Variants in TMEFF1 observed in about 807,000 individuals in gnomAD.
TMEFF1 encodes the protein tomoregulin-1.
Under a neutral mutation model 47.5 loss-of-function variants are expected in TMEFF1, and 20 were observed. That is an observed-to-expected ratio of 0.42 (90% confidence interval 0.30 to 0.61). TMEFF1 has a LOEUF of 0.61. Among genes scored for constraint, TMEFF1 ranks in the 20% least tolerant of loss-of-function variants. The pLI, the probability that TMEFF1 is intolerant of heterozygous loss-of-function variation, is 0.19. For synonymous variants in TMEFF1, 162 were observed against 166.3 expected, an observed-to-expected ratio of 0.97 and a Z score of 0.20; for missense variants, 411 against 471.1, an observed-to-expected ratio of 0.87 and a Z score of 1.18.
chr9:100,481,741 C>T (rs1010503627), intron 1 of TMEFF1, among the ~76,000 whole-genome samples: 2 of 152,016 alleles, frequency 1.3e-5, no homozygotes, highest in Non-Finnish European at 2.9e-5. Flanking sequence ...CTTGTTTAGC[C>T]TGCACAGGTT....
At chr9:100,515,952 T>C (rs1306846117) in intron 4 of TMEFF1, among the ~76,000 whole-genome samples, 1 of 152,178 alleles carries the variant, frequency 6.6e-6, no homozygotes, top group East Asian at 1.9e-4. Flanking sequence ...TGATCCACTC[T>C]AGTTGAGACC....
chr9:100,546,016 C>T (rs1838724673), intron 5 of TMEFF1, among the ~76,000 whole-genome samples: 1 of 152,206 alleles, frequency 6.6e-6, no homozygotes, highest in African/African-American at 2.4e-5. Context: ...CTAGGAAGTT[C>T]CAAACTTTCC....
chr9:100,516,692 G>T lies in TMEFF1; in HGVS notation c.481G>T (p.Ala161Ser), dbSNP rs1229632677. 9 of 1,613,284 alleles carry T rather than the reference G, an allele frequency of 5.6e-6. No homozygotes were observed. The highest frequency in any genetic ancestry group is 6.8e-6 in the Non-Finnish European group (8 of 1,179,728). The change falls in exon 5 of 10, where the codon GCA (alanine) becomes TCA (serine). Residue 161 changes from alanine to serine, a missense_variant. By Grantham distance (99) the Ala-to-Ser change is moderately conservative (BLOSUM62 1). Transcript: ENST00000374879. Reference sequence around the variant, plus strand: ...TTAAACAGAAGAGGAAGGGTCAGGGGCAGAAGTTCACAGAAAACACTCCAA... The same window carrying T: ...TTAAACAGAAGAGGAAGGGTCAGGGTCAGAAGTTCACAGAAAACACTCCAA... Reference protein sequence around the residue: ...SGEGEEEGSGAEVHRKHSKCG... With the variant: ...SGEGEEEGSGSEVHRKHSKCG...
intron 3 of TMEFF1, among the ~76,000 whole-genome samples, chr9:100,512,715 G>T (rs1364642968): frequency 1.3e-5 from 2 of 152,122 alleles, no homozygotes; most frequent in Admixed American, 1.3e-4. Flanking sequence ...TTTCACTAGC[G>T]ACAAGTCAGG....
chr9:100,500,353 T>C (rs36011161), intron 2 of TMEFF1, among the ~76,000 whole-genome samples: 3,987 of 152,270 alleles, frequency 0.026, 65 homozygotes, highest in Middle Eastern at 0.034. Flanking sequence ...TTTTTTCTGC[T>C]TATTATTTCT....
intron 9 of TMEFF1, 127 bp from the exon 10 acceptor site, chr9:100,576,389 C>T (rs1839354581): frequency 8.5e-7 from 1 of 1,174,300 alleles, no homozygotes; most frequent in East Asian, 2.6e-5. Flanking sequence ...ATCTCATTTC[C>T]CTTTCATGTA....
chr9:100,494,229 A>G (rs1384364566), intron 1 of TMEFF1, among the ~76,000 whole-genome samples: 2 of 151,066 alleles, frequency 1.3e-5, no homozygotes, highest in Non-Finnish European at 3.0e-5. Context: ...AAAAAAAAAA[A>G]AGTAAGGTGT....
intron 1 of TMEFF1, among the ~76,000 whole-genome samples, chr9:100,484,994 G>A (rs1837422580): frequency 1.3e-5 from 2 of 152,076 alleles, no homozygotes; most frequent in African/African-American, 4.8e-5. Flanking sequence ...ACTATCTTTT[G>A]CTGTAGATTT....
intron 8 of TMEFF1, among the ~76,000 whole-genome samples, chr9:100,562,618 GTTTT>G (rs368162371): frequency 1.0e-4 from 15 of 144,750 alleles, no homozygotes; most frequent in African/African-American, 1.5e-4. Context: ...AACAGGCCAG[GTTTT>G]TTTTTTTGTT....
chr9:100,498,980 T>C (rs1837709417), intron 2 of TMEFF1, 106 bp downstream of exon 2: 4 of 1,212,846 alleles, frequency 3.3e-6, no homozygotes, highest in Admixed American at 2.7e-5. Flanking sequence ...CATAAAGAAA[T>C]TGGGGTCACA....
chr9:100,518,856 A>G (rs1838114377), intron 5 of TMEFF1, among the ~76,000 whole-genome samples: 1 of 152,150 alleles, frequency 6.6e-6, no homozygotes, highest in Admixed American at 6.5e-5. Context: ...CCAGGTGAAT[A>G]GTGATGTATC....
intron 1 of TMEFF1, among the ~76,000 whole-genome samples, chr9:100,486,696 C>A (rs555915234): frequency 5.9e-5 from 9 of 152,130 alleles, no homozygotes; most frequent in African/African-American, 2.2e-4. Flanking sequence ...AGTGCAGTGG[C>A]ATGATGGCTT....
At chr9:100,495,123 A>G (rs1837628030) in intron 1 of TMEFF1, among the ~76,000 whole-genome samples, 1 of 152,174 alleles carries the variant, frequency 6.6e-6, no homozygotes, top group Non-Finnish European at 1.5e-5. Context: ...CCAGGACACC[A>G]GTGTTCCTGA....
chr9:100,509,793 G>C (rs1287127839), intron 3 of TMEFF1, among the ~76,000 whole-genome samples: 1 of 151,312 alleles, frequency 6.6e-6, no homozygotes, highest in African/African-American at 2.4e-5. Flanking sequence ...AAAAAAAAAG[G>C]TGAGGAATTT....
intron 1 of TMEFF1, among the ~76,000 whole-genome samples, chr9:100,483,214 C>T (rs1478326754): frequency 2.6e-5 from 4 of 152,082 alleles, no homozygotes; most frequent in South Asian, 2.1e-4. Flanking sequence ...AAACTAGGTG[C>T]GTCCAGGCAC....
rs890342763 is a variant in TMEFF1 at position 100,488,341 on chromosome 9, T to C, written c.197-10424T>C. Among the ~76,000 whole-genome samples, 4 of 152,348 alleles carry C rather than the reference T, an allele frequency of 2.6e-5. No individual in the cohort carries two copies. In the East Asian group the frequency reaches 7.7e-4, roughly 29 times the overall value. On this transcript the variant is annotated intron_variant, in intron 1 of 9. Transcript: ENST00000374879. The stretch of plus-strand genomic sequence containing the variant: ...ATTCCCAAAAGATAGACATTTAGAT[T>C]GTTTTCTACTTTGGTTTTACAGAAA...
At chr9:100,505,878 T>C (rs941523306) in intron 2 of TMEFF1, among the ~76,000 whole-genome samples, 4 of 152,230 alleles carry the variant, frequency 2.6e-5, no homozygotes, top group African/African-American at 9.6e-5. Flanking sequence ...GAGCTCATAG[T>C]AGTTTCCTTG....
At chr9:100,530,667 A>G (rs1003629438) in intron 5 of TMEFF1, among the ~76,000 whole-genome samples, 5 of 152,238 alleles carry the variant, frequency 3.3e-5, no homozygotes, top group South Asian at 2.1e-4. Context: ...ACAAGGAGGA[A>G]CTGGTACCAT....
chr9:100,564,555 A>T (rs1839086142), intron 8 of TMEFF1, among the ~76,000 whole-genome samples: 1 of 152,198 alleles, frequency 6.6e-6, no homozygotes, highest in Admixed American at 6.5e-5. Flanking sequence ...TATCATACAC[A>T]GCTATACATG....
Sources: gnomAD v4.1 joint callset for allele counts (sites outside exome capture counted in the v4.1 genomes callset) on GRCh38, gnomAD v4.1.1 for gene constraint, MANE v1.5 for transcripts, NCBI Gene and HGNC (gene_info 2026-07-23, HGNC 2026-07-21) for gene names.